The following AKT1S1 variants were observed in gnomAD, a reference collection of about 807,000 sequenced individuals.
AKT1S1 encodes AKT1 substrate 1, also known as proline-rich AKT1 substrate 1.
Under a neutral mutation model 21.2 loss-of-function variants are expected in AKT1S1, and 17 were observed. The observed-to-expected ratio is 0.80, with a 90% CI of 0.55 to 1.20. The LOEUF is 1.20. AKT1S1 is among the 50% of genes most tolerant of loss of function. The pLI, the probability that AKT1S1 is intolerant of heterozygous loss-of-function variation, is 0.00. For missense variants in AKT1S1, 366 were observed against 368.3 expected (o/e 0.99, Z 0.05); for synonymous variants, 181 against 165.6 (o/e 1.09, Z -0.72).
At chr19:49,877,358 C>G, upstream of AKT1S1, 1 of 288,886 alleles carries the variant, frequency 3.5e-6, no homozygotes, top group East Asian at 6.8e-5. Flanking sequence ...AAAATGGTAC[C>G]TCCTTGGCTT....
At chr19:49,877,713 C>T, upstream of AKT1S1, 2 of 1,600,398 alleles carry the variant, frequency 1.2e-6, no homozygotes, top group South Asian at 1.1e-5. Flanking sequence ...GTGGGGCCTT[C>T]GGCGGCGACT....
chr19:49,873,119 G>A lies in AKT1S1; in HGVS notation c.177C>T (p.Arg59=), dbSNP rs771734250. 1.1e-5 allele frequency: 17 copies of A among 1,542,928 alleles called. No homozygotes were observed. In the African/African-American group the frequency reaches 2.3e-4, roughly 21 times the overall value. ...CCAGTGCGATGTCGTGGAGGCAACG[G>A]CGCGCTGCCTCCGCCAGGGCTCCTC... ...HGRGALAEAA[R]RCLHDIALAH... is the part of the protein sequence containing the mutation. The change falls in exon 2 of 5, where the codon CGC becomes CGT. Residue 59 remains arginine, a synonymous_variant. Coordinates refer to ENST00000344175, the MANE Select transcript of AKT1S1 (RefSeq NM_001098633.4). This position sits in a 1 kb window ranked among gnomAD's most constrained non-coding sequence, Gnocchi z 6.9.
At chr19:49,870,157 C>G in intron 4 of AKT1S1, 97 bp from the exon 5 acceptor site, 2 of 1,291,934 alleles carry the variant, frequency 1.5e-6, no homozygotes, top group Non-Finnish European at 2.0e-6. Context: ...AAGCCCACTT[C>G]TAGCACGTCC....
In AKT1S1 at chr19:49,873,212, C is replaced by T. The variant is rs1568668167; in HGVS notation, c.84G>A (p.Leu28=). 1 of 1,534,650 alleles carries T rather than the reference C, an allele frequency of 6.5e-7. No homozygotes were observed. Residue 28 remains leucine, a synonymous_variant, in exon 2 of 5, where the codon CTG becomes CTA. Coordinates refer to ENST00000344175, the MANE Select transcript of AKT1S1 (RefSeq NM_001098633.4). This position sits in a 1 kb window ranked among gnomAD's most constrained non-coding sequence, Gnocchi z 6.9. ...GCGGCGGGGCCGCGGTCAGCAGCAC[C>T]AGCTCCGTGCCAGTCCGGGCCCGGA... ...ERFRARTGTE[L]VLLTAAPPPP...
upstream of AKT1S1, chr19:49,877,856 C>T: frequency 7.5e-7 from 1 of 1,330,572 alleles, no homozygotes; most frequent in Non-Finnish European, 1.0e-6. Context: ...CCTTGGCAAA[C>T]ACCGATCTCT....
Position 49,873,577 on chromosome 19 carries a change from T to C in AKT1S1, c.-7-275A>G. The C allele has an allele frequency of 2.1e-6, 1 of 480,602 alleles. No individual in the cohort carries two copies. The highest frequency in any genetic ancestry group is 4.2e-5 in the South Asian group (1 of 23,878). The allele number at this position is 480,602 out of a possible 1,614,324, so 29.8% of individuals were successfully genotyped here. A position where few individuals can be genotyped will look rare whatever the true frequency, so the allele number is the denominator to read the frequency against. ...CCCTTTGGCCCTGCCCTGGCCTCTG[T>C]GGGAGCCGCCAGCCACATGTGAACA... is the stretch of plus-strand genomic sequence containing the variant. On this transcript the variant is annotated intron_variant, in intron 1 of 4. Coordinates refer to ENST00000344175, the MANE Select transcript of AKT1S1 (RefSeq NM_001098633.4). The surrounding 1 kb of genome is among the most constrained non-coding windows in gnomAD (Gnocchi z 6.9).
intron 1 of AKT1S1, chr19:49,876,101 G>A: frequency 2.0e-6 from 2 of 987,432 alleles, no homozygotes; most frequent in South Asian, 4.7e-5. Context: ...CGAAATTTTA[G>A]TACCCCACAC....
chr19:49,877,747 A>C, upstream of AKT1S1: 1 of 1,594,624 alleles, frequency 6.3e-7, no homozygotes, highest in Non-Finnish European at 8.5e-7. Context: ...GCTACAGGGT[A>C]AGCACTGAGG....
chr19:49,873,264 T>C lies in AKT1S1; in HGVS notation c.32A>G (p.Glu11Gly). ...GCGCTCAGCGGCCCCCACCACGGCCTCCCACAGCTCCTCGGGGCGCCCCGA... is the reference window on the plus strand; with the variant it reads ...GCGCTCAGCGGCCCCCACCACGGCCCCCCACAGCTCCTCGGGGCGCCCCGA... MASGRPEELW[E>G]AVVGAAERFR... is the part of the protein sequence containing the mutation. Residue 11 changes from glutamate to glycine, a missense_variant, in exon 2 of 5, where the codon GAG becomes GGG. By Grantham distance (98) the Glu-to-Gly change is moderately conservative. Transcript: ENST00000344175. The surrounding 1 kb of genome is among the most constrained non-coding windows in gnomAD (Gnocchi z 6.9). 2.0e-6 allele frequency: 3 copies of C among 1,529,038 alleles called. No homozygotes were observed. Among genetic ancestry groups the C allele is most frequent in the Non-Finnish European group, 2.6e-6 (3 of 1,148,300 alleles). 94.7% of individuals were successfully genotyped at this position (1,529,038 alleles called of 1,614,324 possible).
intron 4 of AKT1S1, 113 bp downstream of exon 4, chr19:49,871,434 G>A (rs1409362110): frequency 2.0e-5 from 28 of 1,408,816 alleles, no homozygotes; most frequent in Non-Finnish European, 2.5e-5. Context: ...GTTGAGGGGA[G>A]GATTCAGTTA....
At chr19:49,878,146 G>T, upstream of AKT1S1, 1 of 1,576,954 alleles carries the variant, frequency 6.3e-7, no homozygotes, top group East Asian at 2.4e-5. Context: ...AACTCAGGTG[G>T]TGTTTGAGAA....
In AKT1S1 at chr19:49,869,699, A is replaced by G. The variant is rs983796850; in HGVS notation, c.*218T>C. The G allele has an allele frequency of 1.7e-5, 8 of 482,254 alleles. No individual in the cohort carries two copies. Among genetic ancestry groups the G allele is most frequent in the Non-Finnish European group, 7.1e-6 (2 of 280,166 alleles). 29.9% of individuals were successfully genotyped at this position (482,254 alleles called of 1,614,324 possible). A position where few individuals can be genotyped will look rare whatever the true frequency, so the allele number is the denominator to read the frequency against. On this transcript the variant is annotated 3_prime_UTR_variant, in exon 5 of 5. Transcript: ENST00000344175. ...ATCTGTCGCTAGGCGGAGAGAGACG[A>G]CAGACCCAATCGGGAAACGGGACAG...
At chr19:49,876,667 G>GCGTCA (rs1283437413) in intron 1 of AKT1S1, 1 of 1,487,278 alleles carries the variant, frequency 6.7e-7, no homozygotes, top group African/African-American at 1.4e-5. Context: ...GCGGCGCCTT[G>GCGTCA]CGTCACGTCC....
At chr19:49,871,981 A>T in intron 2 of AKT1S1, 92 bp from the exon 3 acceptor site, 1 of 1,285,944 alleles carries the variant, frequency 7.8e-7, no homozygotes, top group African/African-American at 1.5e-5. Flanking sequence ...TGCCACAGCC[A>T]CCACCTCCAC....
chr19:49,870,804 G>A (rs936390426), intron 4 of AKT1S1, among the ~76,000 whole-genome samples: 1 of 152,246 alleles, frequency 6.6e-6, no homozygotes, highest in Non-Finnish European at 1.5e-5. Flanking sequence ...AGCACAGAGA[G>A]CAGCAGCAGG....
At chr19:49,878,129 T>TC (rs869304210), upstream of AKT1S1, 7 of 1,566,468 alleles carry the variant, frequency 4.5e-6, no homozygotes, top group Non-Finnish European at 4.3e-6. Flanking sequence ...CCTCGCTGGT[T>TC]CCCCCCAACT....
chr19:49,875,012 T>A (rs1034524786), intron 1 of AKT1S1: 2 of 152,244 alleles, frequency 1.3e-5, no homozygotes, highest in African/African-American at 4.8e-5. Flanking sequence ...AGGAAGAGGT[T>A]TATCCACCAC....
chr19:49,875,954 G>C (rs764329461), intron 1 of AKT1S1: 5 of 985,286 alleles, frequency 5.1e-6, no homozygotes, highest in Non-Finnish European at 6.0e-6. Context: ...GACGAGTTTC[G>C]TGTAAGATCA....
chr19:49,873,043 G>A lies in AKT1S1; in HGVS notation c.253C>T (p.Gln85Ter), dbSNP rs966499865. The change falls in exon 2 of 5, where the codon CAG becomes TAG. Residue 85 changes from glutamine to a stop codon, truncating the protein, a stop_gained. Transcript: ENST00000344175. LOFTEE classifies it high-confidence loss of function. The surrounding 1 kb of genome is among the most constrained non-coding windows in gnomAD (Gnocchi z 6.9). ...ARPPAPPPAP[Q>*]PPSPTPSPPR... ...GGGCTGGGTGTGGGACTGGGTGGCT[G>A]TGGTGCTGGTGGGGGCGCAGGAGGC... 6.4e-7 allele frequency: 1 copy of A among 1,559,520 alleles called. No homozygotes were observed. The highest frequency in any genetic ancestry group is 8.7e-7 in the Non-Finnish European group (1 of 1,152,836).
Sources: allele counts gnomAD v4.1 joint callset (sites outside exome capture counted in the v4.1 genomes callset), GRCh38; gene constraint gnomAD v4.1.1; non-coding constraint Gnocchi (gnomAD v3.1); transcripts MANE v1.5; gene names NCBI Gene and HGNC (gene_info 2026-07-23, HGNC 2026-07-21).